R3HDM2: variants seen among roughly 807,000 people sequenced by gnomAD.
R3HDM2 encodes the protein R3H domain containing 2.
R3HDM2 carries 38 observed loss-of-function variants against 124.5 expected under a neutral mutation model. The observed-to-expected ratio is 0.31, with a 90% confidence interval of 0.24 to 0.40. R3HDM2 has a LOEUF of 0.40. Ranked by LOEUF, R3HDM2 falls within the 10% of genes least tolerant of loss-of-function variation. The pLI is 1.00. For missense variants in R3HDM2, 869 were observed against 1,236.9 expected, an observed-to-expected ratio of 0.70 and a Z score of 4.46; for synonymous variants, 391 against 448.0, an observed-to-expected ratio of 0.87 and a Z score of 1.61.
chr12:57,324,047 A>AG (rs2056888947), intron 2 of R3HDM2, among the ~76,000 whole-genome samples: 1 of 152,204 alleles, frequency 6.6e-6, no homozygotes, highest in African/African-American at 2.4e-5. Context: ...AAGGAAAAAA[A>AG]AAATCACAAT....
At chr12:57,272,350 C>T in intron 14 of R3HDM2, 1 of 1,015,920 alleles carries the variant, frequency 9.8e-7, no homozygotes, top group Non-Finnish European at 1.5e-6. Context: ...ATATGCCCTC[C>T]AAAAGCACAA....
chr12:57,354,195 A>G (rs1593781173), intron 2 of R3HDM2, among the ~76,000 whole-genome samples: 1 of 151,842 alleles, frequency 6.6e-6, no homozygotes, highest in South Asian at 2.1e-4. Flanking sequence ...GTCTGTTTCA[A>G]AGTGGTTGTA....
At chr12:57,255,949 G>C in intron 23 of R3HDM2, 41 bp downstream of exon 23, 1 of 1,566,672 alleles carries the variant, frequency 6.4e-7, no homozygotes, top group South Asian at 1.2e-5. Context: ...CGCTGGAAGG[G>C]TGGGCACCTT....
chr12:57,288,738 C>T, intron 12 of R3HDM2: 1 of 891,038 alleles, frequency 1.1e-6, no homozygotes, highest in East Asian at 2.7e-5. Flanking sequence ...GCAAAAACCA[C>T]AAATTTAATT....
At chr12:57,378,771 T>G (rs2064426144) in intron 2 of R3HDM2, among the ~76,000 whole-genome samples, 1 of 152,206 alleles carries the variant, frequency 6.6e-6, no homozygotes, top group Non-Finnish European at 1.5e-5. Flanking sequence ...CAAACAGATA[T>G]TTGTACATCC....
At chr12:57,260,627 C>T (rs1442451595) in intron 19 of R3HDM2, among the ~76,000 whole-genome samples, 3 of 152,148 alleles carry the variant, frequency 2.0e-5, no homozygotes, top group African/African-American at 7.2e-5. Context: ...TTCCTGACCT[C>T]CCAGGCTATA....
intron 18 of R3HDM2, 106 bp downstream of exon 18, chr12:57,268,197 G>A: frequency 7.9e-7 from 1 of 1,272,666 alleles, no homozygotes; most frequent in Non-Finnish European, 1.1e-6. Context: ...GAACTACTGG[G>A]ATCTTTACCC....
chr12:57,265,679 G>C (rs1315695794), intron 19 of R3HDM2, among the ~76,000 whole-genome samples: 1 of 152,074 alleles, frequency 6.6e-6, no homozygotes, highest in East Asian at 1.9e-4. Flanking sequence ...GGTCCATCCA[G>C]GCTGGAGTGC....
chr12:57,280,573 C>T (rs939324417), intron 13 of R3HDM2, 43 bp from the exon 14 acceptor site: 14 of 1,525,438 alleles, frequency 9.2e-6, no homozygotes, highest in Middle Eastern at 1.7e-4. Flanking sequence ...AAGCATAAGC[C>T]ACGAACACAT....
chr12:57,353,501 G>T (rs939313148), intron 2 of R3HDM2, among the ~76,000 whole-genome samples: 2 of 152,122 alleles, frequency 1.3e-5, no homozygotes, highest in African/African-American at 4.8e-5. Flanking sequence ...TTATTGTTGA[G>T]TTATACACCA....
rs144442753 is a variant in R3HDM2 at position 57,269,603 on chromosome 12, T to C, written c.1587+149A>G. 2.2e-3 allele frequency: 3,172 copies of C among 1,447,822 alleles called. 4 individuals carry two copies. The highest frequency in any genetic ancestry group is 2.7e-3 in the Non-Finnish European group (2,920 of 1,071,724). The allele number at this position is 1,447,822 out of a possible 1,614,324, so 89.7% of individuals were successfully genotyped here. A position where few individuals can be genotyped will look rare whatever the true frequency, so the allele number is the denominator to read the frequency against. On this transcript the variant is annotated intron_variant, in intron 15 of 23. Coordinates refer to ENST00000402412, the MANE Select transcript of R3HDM2 (RefSeq NM_001394031.1). ...CAGTAAAACAAGGATTTATGTTATA[T>C]AGAAAGAAGACTTTCTGGCTAGAAC...
At chr12:57,372,821 C>T (rs956292152) in intron 2 of R3HDM2, among the ~76,000 whole-genome samples, 3 of 152,186 alleles carry the variant, frequency 2.0e-5, no homozygotes, top group African/African-American at 7.2e-5. Flanking sequence ...CAAGTCAACA[C>T]ATGCAAACAC....
intron 2 of R3HDM2, among the ~76,000 whole-genome samples, chr12:57,359,928 A>C (rs574269896): frequency 2.7e-5 from 4 of 150,426 alleles, no homozygotes; most frequent in Non-Finnish European, 5.9e-5. Context: ...AACAGTATAC[A>C]GTTGATTCTT....
intron 19 of R3HDM2, among the ~76,000 whole-genome samples, chr12:57,260,929 T>C (rs998626368): frequency 3.9e-5 from 6 of 152,182 alleles, no homozygotes; most frequent in Admixed American, 2.0e-4. Context: ...GCATCTGTCA[T>C]ATCATATTCC....
chr12:57,373,451 A>G (rs2063619377), intron 2 of R3HDM2, among the ~76,000 whole-genome samples: 1 of 151,950 alleles, frequency 6.6e-6, no homozygotes, highest in Admixed American at 6.6e-5. Context: ...GTGAGCCAAG[A>G]TCGCGCCACT....
intron 4 of R3HDM2, 49 bp downstream of exon 4, chr12:57,303,127 A>C: frequency 7.0e-7 from 1 of 1,428,528 alleles, no homozygotes; most frequent in Admixed American, 2.0e-5. Flanking sequence ...CTACTTGTGA[A>C]ATGTATTACT....
chr12:57,400,872 A>G (rs2067986848), intron 1 of R3HDM2, among the ~76,000 whole-genome samples: 2 of 152,196 alleles, frequency 1.3e-5, no homozygotes, highest in African/African-American at 4.8e-5. Context: ...GCTTTTCAGC[A>G]TTAACAGATG....
chr12:57,425,985 C>T (rs1008972040), intron 1 of R3HDM2, among the ~76,000 whole-genome samples: 3 of 150,512 alleles, frequency 2.0e-5, no homozygotes, highest in Non-Finnish European at 1.5e-5. Context: ...CCCAGCACTT[C>T]GGGAGGCCGA....
intron 4 of R3HDM2, among the ~76,000 whole-genome samples, chr12:57,301,140 A>T (rs1418203908): frequency 6.6e-6 from 1 of 152,076 alleles, no homozygotes. Flanking sequence ...AAAAATAAAA[A>T]AAAGAGAGAC....
Sources: gnomAD v4.1 joint callset for allele counts (sites outside exome capture counted in the v4.1 genomes callset) on GRCh38, gnomAD v4.1.1 for gene constraint, MANE v1.5 for transcripts, NCBI Gene and HGNC (gene_info 2026-07-23, HGNC 2026-07-21) for gene names.